MAP7: variants seen among roughly 807,000 people sequenced by gnomAD.
MAP7 encodes microtubule associated protein 7.
In MAP7, 52 loss-of-function variants were observed where a neutral mutation model predicts 94.8. That is an observed-to-expected ratio of 0.55 (90% CI 0.44 to 0.69). MAP7 has a LOEUF of 0.69. Among genes scored for constraint, MAP7 ranks in the 30% least tolerant of loss-of-function variants. The pLI, the probability that MAP7 is intolerant of heterozygous loss-of-function variation, is 0.00. For missense variants in MAP7, 940 were observed against 964.6 expected, an observed-to-expected ratio of 0.97 and a Z score of 0.34; for synonymous variants, 350 against 357.0, an observed-to-expected ratio of 0.98 and a Z score of 0.22.
At chr6:136,395,548 G>T (rs1416131195) in intron 3 of MAP7, among the ~76,000 whole-genome samples, 5 of 151,568 alleles carry the variant, frequency 3.3e-5, no homozygotes, top group African/African-American at 1.2e-4. Flanking sequence ...TGTGCAGAAG[G>T]TTTTTGGCTT....
At chr6:136,486,571 T>C (rs1463101335) in intron 1 of MAP7, among the ~76,000 whole-genome samples, 2 of 152,162 alleles carry the variant, frequency 1.3e-5, no homozygotes, top group East Asian at 3.8e-4. Context: ...AGCCCCACAA[T>C]CTCAGAGAGC....
intron 16 of MAP7, among the ~76,000 whole-genome samples, chr6:136,354,247 T>C (rs917830229): frequency 1.4e-5 from 2 of 145,034 alleles, no homozygotes; most frequent in African/African-American, 5.0e-5. Flanking sequence ...TATAAATATA[T>C]ATAAATTTCC....
chr6:136,546,802 C>T (rs1479379063), intron 1 of MAP7, among the ~76,000 whole-genome samples: 1 of 152,148 alleles, frequency 6.6e-6, no homozygotes, highest in South Asian at 2.1e-4. Context: ...ATAACTCTTC[C>T]AAATGATTGT....
At chr6:136,460,095 AACAAGTCT>A (rs1467381850) in intron 1 of MAP7, among the ~76,000 whole-genome samples, 3 of 152,172 alleles carry the variant, frequency 2.0e-5, no homozygotes, top group Non-Finnish European at 4.4e-5. Context: ...TAAGATGTGG[AACAAGTCT>A]TATACCTAAA....
chr6:136,366,468 T>A, intron 8 of MAP7, 29 bp from the exon 9 acceptor site: 1 of 1,489,298 alleles, frequency 6.7e-7, no homozygotes, highest in Non-Finnish European at 9.4e-7. Flanking sequence ...AATAGTTAGA[T>A]TTTTCCACAA....
intron 4 of MAP7, 49 bp downstream of exon 4, chr6:136,389,305 A>G: frequency 4.7e-6 from 7 of 1,500,672 alleles, no homozygotes; most frequent in Non-Finnish European, 6.2e-6. Flanking sequence ...AGTTTGCTGC[A>G]TGTCTGAACT....
At chr6:136,459,222 T>C (rs148715945) in intron 1 of MAP7, among the ~76,000 whole-genome samples, 7 of 152,210 alleles carry the variant, frequency 4.6e-5, no homozygotes, top group Admixed American at 4.6e-4. Flanking sequence ...CCTGTTAGGA[T>C]AGCTATTATC....
intron 1 of MAP7, among the ~76,000 whole-genome samples, chr6:136,456,767 G>GGAGGAGGAGGAA (rs1179338276): frequency 1.7e-4 from 10 of 60,594 alleles, no homozygotes; most frequent in African/African-American, 2.2e-4. Flanking sequence ...AGGAGGAGGA[G>GGAGGAGGAGGAA]GAAGAAGAAG....
intron 1 of MAP7, among the ~76,000 whole-genome samples, chr6:136,516,768 A>C (rs147027323): frequency 6.6e-6 from 1 of 152,346 alleles, no homozygotes; most frequent in Non-Finnish European, 1.5e-5. Flanking sequence ...ACTTAGAATA[A>C]GAAGTCTTGG....
intron 1 of MAP7, among the ~76,000 whole-genome samples, chr6:136,472,521 T>C (rs1188560069): frequency 2.0e-5 from 3 of 152,160 alleles, no homozygotes; most frequent in Non-Finnish European, 4.4e-5. Flanking sequence ...AAAACACATA[T>C]AATTTGATGT....
intron 16 of MAP7, among the ~76,000 whole-genome samples, chr6:136,346,960 A>G (rs1211883226): frequency 7.9e-5 from 12 of 152,164 alleles, no homozygotes; most frequent in Admixed American, 7.9e-4. Flanking sequence ...TTGAAGACCG[A>G]TCTTCTTATC....
chr6:136,546,312 CTT>C (rs1354610962), intron 1 of MAP7, among the ~76,000 whole-genome samples: 1 of 145,114 alleles, frequency 6.9e-6, no homozygotes. Flanking sequence ...TGCCTCTGGC[CTT>C]TTTTTTTTTC....
rs182125877 is a variant in MAP7, at chr6:136,375,074, G to A, written c.752-2449C>T. 2.0e-4 allele frequency among the ~76,000 whole-genome samples: 30 copies of A among 151,932 alleles called. No individual in the cohort carries two copies. In the East Asian group the frequency reaches 3.9e-3, roughly 20 times the overall value. On this transcript the variant is annotated intron_variant, in intron 7 of 17. Coordinates refer to ENST00000354570, the MANE Select transcript of MAP7 (RefSeq NM_003980.6). ...TGGTAAGTATGCATTAATTGAACTC[G>A]TTCAGGATTTTCTATACGAAATAAT... is the stretch of plus-strand genomic sequence containing the variant.
At chr6:136,419,049 C>CTATA (rs1790423090) in intron 2 of MAP7, among the ~76,000 whole-genome samples, 2 of 152,038 alleles carry the variant, frequency 1.3e-5, no homozygotes, top group South Asian at 4.1e-4. Context: ...AATCAAATGA[C>CTATA]TATATATAAG....
intron 1 of MAP7, among the ~76,000 whole-genome samples, chr6:136,429,441 A>G (rs892670228): frequency 3.9e-5 from 6 of 152,364 alleles, no homozygotes; most frequent in Non-Finnish European, 8.8e-5. Context: ...TGAACATTAC[A>G]GCCTCTGCTG....
chr6:136,539,522 C>T (rs1829145394), intron 1 of MAP7, among the ~76,000 whole-genome samples: 1 of 152,208 alleles, frequency 6.6e-6, no homozygotes, highest in African/African-American at 2.4e-5. Flanking sequence ...CCACTACTGA[C>T]CTCTTCATTT....
chr6:136,477,864 C>T (rs1332576712), intron 1 of MAP7, among the ~76,000 whole-genome samples: 4 of 152,182 alleles, frequency 2.6e-5, no homozygotes, highest in Non-Finnish European at 4.4e-5. Flanking sequence ...ACATTCTTCT[C>T]CTCAGCACAT....
chr6:136,457,061 T>G (rs531300932), intron 1 of MAP7, among the ~76,000 whole-genome samples: 36 of 140,220 alleles, frequency 2.6e-4, no homozygotes, highest in African/African-American at 9.5e-4. Flanking sequence ...AACCTTTAGC[T>G]AAACTAAAAA....
rs184003709 is a variant in MAP7, at chr6:136,546,002, T to G, written c.67+4340A>C. Among the ~76,000 whole-genome samples the G allele has an allele frequency of 1.8e-3, 270 of 152,306 alleles. 2 individuals carry two copies. Among genetic ancestry groups the G allele is most frequent in the African/African-American group, 5.0e-3 (207 of 41,558 alleles). On this transcript the variant is annotated intron_variant, in intron 1 of 17. Transcript: ENST00000354570. Reference sequence around the variant, plus strand: ...TGCTATCAAATAGTATTTGTTACTATTCTTATTCTTTCTAACTTTTTGTTT... The same window carrying G: ...TGCTATCAAATAGTATTTGTTACTAGTCTTATTCTTTCTAACTTTTTGTTT...
Sources: allele counts gnomAD v4.1 joint callset (sites outside exome capture counted in the v4.1 genomes callset), GRCh38; gene constraint gnomAD v4.1.1; transcripts MANE v1.5; gene names NCBI Gene and HGNC (gene_info 2026-07-23, HGNC 2026-07-21).